The following ZZEF1 variants were observed in gnomAD, a reference collection of about 807,000 sequenced individuals.
ZZEF1 encodes the protein zinc finger ZZ-type and EF-hand domain-containing protein 1.
In ZZEF1, 157 loss-of-function variants were observed where a neutral mutation model predicts 342.8. The observed-to-expected ratio is 0.46, with a 90% confidence interval of 0.40 to 0.52. The LOEUF (loss-of-function observed/expected upper bound fraction) is 0.52. ZZEF1 is among the 20% of genes least tolerant of loss of function. ZZEF1 has a pLI of 0.00. For missense variants in ZZEF1, 3,480 were observed against 3,725.6 expected (o/e 0.93, Z 1.72); for synonymous variants, 1,505 against 1,429.1 (o/e 1.05, Z -1.20).
chr17:4,057,316 T>C (rs2057184125), intron 32 of ZZEF1, among the ~76,000 whole-genome samples: 1 of 152,192 alleles, frequency 6.6e-6, no homozygotes, highest in Non-Finnish European at 1.5e-5. Flanking sequence ...CGGCTCTAAT[T>C]CTGTCCCCTT....
At position 4,006,627 on chromosome 17, in the gene ZZEF1, T is replaced by C; in HGVS notation, c.*263A>G. On this transcript the variant is annotated 3_prime_UTR_variant, in exon 55 of 55. Transcript: ENST00000381638. ...ACAGCCTCTGGAGAAGGCTGGTCTC[T>C]GAACCTTCTTAAGGGCCCCCTGCCC... 1 of 511,406 alleles carries C rather than the reference T, an allele frequency of 2.0e-6. No homozygotes were observed. The highest frequency in any genetic ancestry group is 3.7e-5 in the East Asian group (1 of 27,246). 31.7% of individuals were successfully genotyped at this position (511,406 alleles called of 1,614,324 possible). A position where few individuals can be genotyped will look rare whatever the true frequency, so the allele number is the denominator to read the frequency against.
At chr17:4,113,858 G>T (rs2058353022) in intron 4 of ZZEF1, among the ~76,000 whole-genome samples, 1 of 151,164 alleles carries the variant, frequency 6.6e-6, no homozygotes, top group African/African-American at 2.4e-5. Context: ...CTAAATCCCA[G>T]CGACTGAGAC....
At chr17:4,133,646 A>G (rs1357014787) in intron 1 of ZZEF1, among the ~76,000 whole-genome samples, 1 of 151,908 alleles carries the variant, frequency 6.6e-6, no homozygotes, top group African/African-American at 2.4e-5. Context: ...CCAACTTCCC[A>G]CACAACTCCT....
intron 5 of ZZEF1, 75 bp from the exon 6 acceptor site, chr17:4,109,938 A>G: frequency 1.4e-6 from 2 of 1,414,618 alleles, no homozygotes; most frequent in Non-Finnish European, 2.0e-6. Flanking sequence ...ACTAAAAGCA[A>G]AATAGTAATA....
intron 8 of ZZEF1, among the ~76,000 whole-genome samples, chr17:4,103,742 A>AC (rs1313619700): frequency 5.3e-5 from 8 of 151,902 alleles, no homozygotes; most frequent in African/African-American, 1.9e-4. Context: ...ACATAGTGAG[A>AC]CCCAATCTCT....
At chr17:4,007,092 C>A (rs1449350750) in intron 54 of ZZEF1, 122 bp from the exon 55 acceptor site, 9 of 833,594 alleles carry the variant, frequency 1.1e-5, no homozygotes, top group African/African-American at 3.4e-5. Context: ...CAGATGTGTT[C>A]CCCTCCCCCA....
intron 38 of ZZEF1, 61 bp downstream of exon 38, chr17:4,044,163 G>C: frequency 6.3e-7 from 1 of 1,575,898 alleles, no homozygotes; most frequent in Non-Finnish European, 8.7e-7. Flanking sequence ...AACAGCTCAG[G>C]GATGGGTATA....
At chr17:4,092,030 C>T (rs1049244547) in intron 11 of ZZEF1, among the ~76,000 whole-genome samples, 2 of 149,888 alleles carry the variant, frequency 1.3e-5, no homozygotes, top group East Asian at 2.0e-4. Context: ...GAGCCAAGAT[C>T]GTGCCACTGC....
At chr17:4,091,924 A>G (rs2057950197) in intron 11 of ZZEF1, among the ~76,000 whole-genome samples, 1 of 150,994 alleles carries the variant, frequency 6.6e-6, no homozygotes, top group African/African-American at 2.4e-5. Context: ...TAAAAATACA[A>G]AATTAGCCAG....
At chr17:4,123,820 C>T in intron 2 of ZZEF1, 87 bp downstream of exon 2, 3 of 1,480,122 alleles carry the variant, frequency 2.0e-6, no homozygotes, top group Non-Finnish European at 9.1e-7. Context: ...GAGTTTACTG[C>T]ATGTGGCCAC....
chr17:4,029,180 T>C (rs1313247037), intron 42 of ZZEF1, among the ~76,000 whole-genome samples: 2 of 152,176 alleles, frequency 1.3e-5, no homozygotes, highest in Non-Finnish European at 2.9e-5. Flanking sequence ...CAAGTGTACA[T>C]GGAAACTCCA....
intron 1 of ZZEF1, among the ~76,000 whole-genome samples, chr17:4,129,982 G>A (rs2058637670): frequency 6.6e-6 from 1 of 152,052 alleles, no homozygotes; most frequent in Non-Finnish European, 1.5e-5. Context: ...AGAACACAAA[G>A]AAGAAACAAC....
intron 27 of ZZEF1, 77 bp from the exon 28 acceptor site, chr17:4,066,617 A>G: frequency 8.4e-7 from 1 of 1,183,562 alleles, no homozygotes; most frequent in Non-Finnish European, 1.3e-6. Context: ...CTACTTCAAA[A>G]GCACACAGCA....
intron 2 of ZZEF1, among the ~76,000 whole-genome samples, chr17:4,121,977 A>G (rs777008247): frequency 2.0e-5 from 3 of 152,118 alleles, no homozygotes; most frequent in Non-Finnish European, 4.4e-5. Context: ...TCGGCTTCCC[A>G]AAGTGCTGAG....
chr17:4,017,589 G>C lies in ZZEF1; in HGVS notation c.7783C>G (p.Leu2595Val). Residue 2595 changes from leucine to valine, a missense_variant, in exon 48 of 55, where the codon CTG becomes GTG. Leu to Val is a conservative substitution (Grantham distance 32, BLOSUM62 1). Coordinates refer to ENST00000381638, the MANE Select transcript of ZZEF1 (RefSeq NM_015113.4). This position sits in a 1 kb window ranked among gnomAD's most constrained non-coding sequence, Gnocchi z 5.1. ...ACAGCCCTCTTACTCTTGCAGTTCA[G>C]CTCCTTGTGCAGGAGGGCGGCGCTC... ...SKSAALLHKE[L>V]NCKSKRAVRD... The C allele has an allele frequency of 6.2e-7, 1 of 1,614,258 alleles. No homozygotes were observed. The highest frequency in any genetic ancestry group is 8.5e-7 in the Non-Finnish European group (1 of 1,180,048).
intron 5 of ZZEF1, among the ~76,000 whole-genome samples, chr17:4,111,915 C>T (rs1468999675): frequency 1.4e-5 from 2 of 145,400 alleles, no homozygotes; most frequent in Admixed American, 6.9e-5. Flanking sequence ...TGCATGTCTA[C>T]ATTCCAGCTA....
chr17:4,100,662 C>T (rs1336929655), intron 9 of ZZEF1, among the ~76,000 whole-genome samples: 4 of 152,028 alleles, frequency 2.6e-5, no homozygotes, highest in East Asian at 1.9e-4. Context: ...GGTGAAACCC[C>T]GTCTCTACTA....
chr17:4,123,737 C>A (rs905311137), intron 2 of ZZEF1, among the ~76,000 whole-genome samples, 170 bp downstream of exon 2: 1 of 152,056 alleles, frequency 6.6e-6, no homozygotes, highest in African/African-American at 2.4e-5. Context: ...TTAGCCACCA[C>A]CGTACTGGGG....
intron 9 of ZZEF1, among the ~76,000 whole-genome samples, chr17:4,099,742 C>T (rs1346434880): frequency 6.6e-6 from 1 of 152,020 alleles, no homozygotes; most frequent in Non-Finnish European, 1.5e-5. Context: ...GATGGGGTTT[C>T]ACCATGTTGG....
Sources: allele counts gnomAD v4.1 joint callset (sites outside exome capture counted in the v4.1 genomes callset), GRCh38; gene constraint gnomAD v4.1.1; non-coding constraint Gnocchi (gnomAD v3.1); transcripts MANE v1.5; gene names NCBI Gene and HGNC (gene_info 2026-07-23, HGNC 2026-07-21).